Variants in SCFD2 observed in about 807,000 individuals in gnomAD.
SCFD2 encodes the protein sec1 family domain-containing protein 2.
A neutral mutation model predicts 58.9 loss-of-function variants in SCFD2; 54 were observed. That is an observed-to-expected ratio of 0.92 (90% CI 0.74 to 1.15). The LOEUF is 1.15. Ranked by LOEUF, SCFD2 falls within the 50% of genes most tolerant of loss-of-function variation. The probability of loss-of-function intolerance (pLI) is 0.00; values close to 1 mark genes in which losing one functional copy is unlikely to be tolerated. For synonymous variants in SCFD2, 321 were observed against 335.9 expected (o/e 0.96, Z 0.49); for missense variants, 805 against 836.6 (o/e 0.96, Z 0.47).
chr4:53,060,387 G>GT (rs1482709925), intron 5 of SCFD2, among the ~76,000 whole-genome samples: 1 of 152,068 alleles, frequency 6.6e-6, no homozygotes, highest in Non-Finnish European at 1.5e-5. Context: ...CTCCAAGTGA[G>GT]TTTTACATGT....
At chr4:53,065,522 G>T (rs1354068366) in intron 5 of SCFD2, among the ~76,000 whole-genome samples, 5 of 152,020 alleles carry the variant, frequency 3.3e-5, no homozygotes, top group Admixed American at 3.3e-4. Context: ...AAAAGAATTT[G>T]TTATTTTTCT....
At chr4:52,937,319 T>C (rs1395893420) in intron 5 of SCFD2, among the ~76,000 whole-genome samples, 1 of 152,004 alleles carries the variant, frequency 6.6e-6, no homozygotes, top group Non-Finnish European at 1.5e-5. Context: ...GAGGGCCAGA[T>C]CATTTGGGGG....
At chr4:53,108,204 A>G (rs13113235) in intron 5 of SCFD2, among the ~76,000 whole-genome samples, 31,855 of 152,126 alleles carry the variant, frequency 0.21, 3,669 homozygotes, top group Non-Finnish European at 0.27. Flanking sequence ...ACCAGAATCA[A>G]CGGGACACAA....
At chr4:52,994,787 G>GA (rs1344849139) in intron 5 of SCFD2, among the ~76,000 whole-genome samples, 1 of 151,632 alleles carries the variant, frequency 6.6e-6, no homozygotes, top group Non-Finnish European at 1.5e-5. Flanking sequence ...TTAACAACAG[G>GA]AAAAAAATGA....
At chr4:53,007,335 G>GAGAGAGGGA (rs1560508028) in intron 5 of SCFD2, among the ~76,000 whole-genome samples, 2 of 39,220 alleles carry the variant, frequency 5.1e-5, no homozygotes, top group African/African-American at 1.1e-4. Context: ...AGAGAGAGAG[G>GAGAGAGGGA]GAGAGAGAGA....
At chr4:53,164,469 C>G (rs1726945139) in intron 4 of SCFD2, among the ~76,000 whole-genome samples, 2 of 152,162 alleles carry the variant, frequency 1.3e-5, no homozygotes, top group Non-Finnish European at 2.9e-5. Context: ...TTGTAGCCAC[C>G]TAGAAGACCC....
At chr4:53,264,024 A>AG in intron 4 of SCFD2, among the ~76,000 whole-genome samples, 1 of 152,110 alleles carries the variant, frequency 6.6e-6, no homozygotes, top group Non-Finnish European at 1.5e-5. Flanking sequence ...TTATGTTCCC[A>AG]GGGGGATTAT....
At chr4:52,905,488 T>C (rs940307031) in intron 7 of SCFD2, among the ~76,000 whole-genome samples, 5 of 152,206 alleles carry the variant, frequency 3.3e-5, no homozygotes, top group Non-Finnish European at 7.3e-5. Flanking sequence ...ATAGATGAGA[T>C]GCCCTGGCAA....
intron 5 of SCFD2, among the ~76,000 whole-genome samples, chr4:52,972,284 G>C (rs1242214570): frequency 1.3e-5 from 2 of 152,080 alleles, no homozygotes; most frequent in African/African-American, 2.4e-5. Flanking sequence ...CTCATGTGCA[G>C]AGACACACAT....
intron 3 of SCFD2, among the ~76,000 whole-genome samples, chr4:53,278,048 T>C (rs1731385072): frequency 1.4e-5 from 2 of 143,384 alleles, no homozygotes; most frequent in Admixed American, 7.0e-5. Flanking sequence ...CGAGACTCCG[T>C]CTCAAAACAA....
At chr4:53,296,089 T>C (rs1732020059) in intron 3 of SCFD2, among the ~76,000 whole-genome samples, 1 of 152,254 alleles carries the variant, frequency 6.6e-6, no homozygotes, top group African/African-American at 2.4e-5. Context: ...TATATTGGCT[T>C]AAAATTTTCT....
intron 5 of SCFD2, among the ~76,000 whole-genome samples, chr4:53,116,232 CTCAG>C (rs1725315022): frequency 6.9e-6 from 1 of 144,194 alleles, no homozygotes; most frequent in African/African-American, 2.5e-5. Flanking sequence ...ATGTTAAAAC[CTCAG>C]TCAGTTAGTA....
intron 2 of SCFD2, among the ~76,000 whole-genome samples, chr4:53,314,821 GTT>G (rs1732807572): frequency 6.6e-6 from 1 of 152,036 alleles, no homozygotes; most frequent in Non-Finnish European, 1.5e-5. Context: ...TCATTGAATA[GTT>G]TTTATTATCA....
At chr4:52,932,500 G>A (rs142667125) in intron 5 of SCFD2, among the ~76,000 whole-genome samples, 104 of 152,184 alleles carry the variant, frequency 6.8e-4, no homozygotes, top group African/African-American at 2.0e-3. Flanking sequence ...CTCACTGACC[G>A]TATTATAGGA....
In SCFD2 at chr4:53,352,743, T is replaced by C. The variant is rs770308372; in HGVS notation, c.862A>G (p.Asn288Asp). ...GCTGAAATGATCTTCTCTACTAAGT[T>C]GTCTCCATGATGTCCAACTGCTCCT... ...LTGAVGHHGD[N>D]LVEKIISALP... The change falls in exon 2 of 9, where the codon AAC becomes GAC. Residue 288 changes from asparagine to aspartate, a missense_variant. Physicochemically the swap from Asn to Asp is conservative, Grantham distance 23. This residue lies in a region of SCFD2 where 633 missense variants were observed against 646.8 expected (regional missense o/e 0.98). Transcript: ENST00000401642. 99 of 1,613,894 alleles carry C rather than the reference T, an allele frequency of 6.1e-5. No individual in the cohort carries two copies. The highest frequency in any genetic ancestry group is 6.8e-5 in the Non-Finnish European group (80 of 1,179,892).
intron 4 of SCFD2, among the ~76,000 whole-genome samples, chr4:53,255,492 G>T (rs1295585783): frequency 6.6e-6 from 1 of 152,070 alleles, no homozygotes; most frequent in Non-Finnish European, 1.5e-5. Flanking sequence ...AACCCTGAGT[G>T]GACACAGCAC....
At chr4:52,926,788 G>A (rs976128470) in intron 5 of SCFD2, among the ~76,000 whole-genome samples, 4 of 152,138 alleles carry the variant, frequency 2.6e-5, no homozygotes, top group African/African-American at 7.2e-5. Context: ...GTTAGAGAAA[G>A]GGTTGGCTTG....
chr4:52,897,133 T>C (rs894013660), intron 7 of SCFD2, among the ~76,000 whole-genome samples: 2 of 152,184 alleles, frequency 1.3e-5, no homozygotes, highest in African/African-American at 2.4e-5. Context: ...CTTTTCCTAA[T>C]TGAATACCCT....
At chr4:52,995,355 G>A (rs1721721201) in intron 5 of SCFD2, among the ~76,000 whole-genome samples, 2 of 152,280 alleles carry the variant, frequency 1.3e-5, no homozygotes, top group South Asian at 2.1e-4. Flanking sequence ...GAGCTCAGGC[G>A]GTAATGCTCC....
Sources: allele counts gnomAD v4.1 joint callset (sites outside exome capture counted in the v4.1 genomes callset), GRCh38; gene constraint gnomAD v4.1.1; regional missense constraint gnomAD v4.1.1; transcripts MANE v1.5; gene names NCBI Gene and HGNC (gene_info 2026-07-23, HGNC 2026-07-21).